The following PPP4R3B variants were observed in gnomAD, a reference collection of about 807,000 sequenced individuals.
PPP4R3B encodes protein phosphatase 4 regulatory subunit 3B.
A neutral mutation model predicts 95.4 loss-of-function variants in PPP4R3B; 52 were observed. The observed-to-expected ratio is 0.54, with a 90% CI of 0.44 to 0.69. PPP4R3B has a LOEUF of 0.69. PPP4R3B is among the 30% of genes least tolerant of loss of function. PPP4R3B has a pLI of 0.00. For missense variants in PPP4R3B, 1,003 were observed against 1,005.9 expected, an observed-to-expected ratio of 1.00 and a Z score of 0.04; for synonymous variants, 407 against 343.9, an observed-to-expected ratio of 1.18 and a Z score of -2.03.
chr2:55,595,110 C>T lies in PPP4R3B; in HGVS notation c.921+3306G>A, dbSNP rs561412491. 3.6e-4 allele frequency among the ~76,000 whole-genome samples: 55 copies of T among 151,680 alleles called. 1 individual carries two copies. The highest frequency in any genetic ancestry group is 6.6e-4 in the Admixed American group (10 of 15,238). ...CACAATCTCAGCTCACTGCAACCTC[C>T]GCCTCTCGGTTCAAGCAATTCTCCC... On this transcript the variant is annotated intron_variant, in intron 4 of 16. Coordinates refer to ENST00000616407, the MANE Select transcript of PPP4R3B (RefSeq NM_001122964.3).
rs199966006 is a variant in PPP4R3B at position 55,558,977 on chromosome 2, A to G, written c.2261-9T>C. 1 of 1,599,828 alleles carries G rather than the reference A, an allele frequency of 6.3e-7. No homozygotes were observed. Reference sequence around the variant, plus strand: ...GTCTTCACTTTCTTTTGCTAAAGCAAAAGTAAAATTTTGAACGTATATCAA... The same window carrying G: ...GTCTTCACTTTCTTTTGCTAAAGCAGAAGTAAAATTTTGAACGTATATCAA... On this transcript the variant is annotated splice_polypyrimidine_tract_variant and intron_variant, in intron 15 of 16. Transcript: ENST00000616407.
At chr2:55,587,160 T>C (rs1421936757) in intron 5 of PPP4R3B, among the ~76,000 whole-genome samples, 1 of 152,252 alleles carries the variant, frequency 6.6e-6, no homozygotes, top group Admixed American at 6.5e-5. Context: ...AAAGCATGCA[T>C]GCTTTGTTTA....
In PPP4R3B at chr2:55,598,704, C is replaced by T; in HGVS notation, c.633G>A (p.Glu211=). 1.2e-6 allele frequency: 2 copies of T among 1,614,204 alleles called. No homozygotes were observed. Among genetic ancestry groups the T allele is most frequent in the South Asian group, 1.1e-5 (1 of 91,082 alleles). ...TGATACACTCATCAGAAAACATTAC[C>T]TCAAAAAGAGTTGCCTTATTTAGGA... ...ILFLNKATLF[E]VMFSDECIMD... The change falls in exon 4 of 17, where the codon GAG becomes GAA. Residue 211 remains glutamate, a synonymous_variant. Coordinates refer to ENST00000616407, the MANE Select transcript of PPP4R3B (RefSeq NM_001122964.3).
At chr2:55,584,154 A>C (rs951668636) in intron 7 of PPP4R3B, among the ~76,000 whole-genome samples, 32 of 152,200 alleles carry the variant, frequency 2.1e-4, no homozygotes, top group Non-Finnish European at 3.8e-4. Context: ...CTCAAAAAAA[A>C]CAAAAAACAA....
chr2:55,567,805 T>C (rs896345429), intron 13 of PPP4R3B, among the ~76,000 whole-genome samples: 1 of 152,148 alleles, frequency 6.6e-6, no homozygotes, highest in Non-Finnish European at 1.5e-5. Context: ...ATCACGTGAA[T>C]AAGGCATGAT....
chr2:55,588,827 G>A, intron 5 of PPP4R3B, 52 bp downstream of exon 5: 1 of 1,215,336 alleles, frequency 8.2e-7, no homozygotes, highest in Non-Finnish European at 1.2e-6. Context: ...ATTAAAAGCT[G>A]TGCATGCCAA....
At position 55,578,317 on chromosome 2, in the gene PPP4R3B, A is replaced by G. The variant is rs1054471891; in HGVS notation, c.1494T>C (p.Tyr498=). The G allele has an allele frequency of 3.4e-6, 5 of 1,457,138 alleles. No individual in the cohort carries two copies. Among genetic ancestry groups the G allele is most frequent in the Non-Finnish European group, 4.5e-6 (5 of 1,104,326 alleles). 90.3% of individuals were successfully genotyped at this position (1,457,138 alleles called of 1,614,324 possible). Residue 498 remains tyrosine (Y), a synonymous_variant, in exon 10 of 17, where the codon TAT becomes TAC. Transcript: ENST00000616407. ...AAGGGGTACATATGAAACTCCAACT[A>G]TATCTGTAATGTTTTAAAAAAAAAT... ...EKDFFLKHYR[Y]SWSFICTPSH... is the part of the protein sequence containing the mutation.
chr2:55,596,276 A>C (rs1309768039), intron 4 of PPP4R3B, among the ~76,000 whole-genome samples: 6 of 152,166 alleles, frequency 3.9e-5, no homozygotes, highest in Admixed American at 6.5e-5. Context: ...AAATATAAAA[A>C]CTGTTCTTGG....
At chr2:55,583,914 T>G (rs957773481) in intron 7 of PPP4R3B, among the ~76,000 whole-genome samples, 1 of 152,198 alleles carries the variant, frequency 6.6e-6, no homozygotes, top group African/African-American at 2.4e-5. Flanking sequence ...AAAACTTTCC[T>G]TAACAAGTGG....
intron 16 of PPP4R3B, among the ~76,000 whole-genome samples, chr2:55,550,333 G>C (rs1685111150): frequency 1.3e-5 from 2 of 152,166 alleles, no homozygotes; most frequent in Admixed American, 6.6e-5. Flanking sequence ...AGCTGGAAAG[G>C]ACATTGGAGA....
At chr2:55,564,266 G>A in intron 15 of PPP4R3B, 47 bp downstream of exon 15, 5 of 1,451,064 alleles carry the variant, frequency 3.4e-6, no homozygotes, top group Non-Finnish European at 4.6e-6. Flanking sequence ...AATAATTTCT[G>A]CACTAAATAA....
chr2:55,581,507 T>C (rs1689436548), intron 8 of PPP4R3B, 60 bp downstream of exon 8: 1 of 1,520,984 alleles, frequency 6.6e-7, no homozygotes, highest in Non-Finnish European at 8.9e-7. Flanking sequence ...CAAAATCTTA[T>C]TACAAAGCCA....
intron 6 of PPP4R3B, among the ~76,000 whole-genome samples, chr2:55,585,767 C>T (rs978959535): frequency 2.6e-5 from 4 of 152,180 alleles, no homozygotes; most frequent in African/African-American, 9.7e-5. Context: ...TCTGAAAACA[C>T]TCCCCAACCC....
At chr2:55,599,390 A>T (rs1236564688) in intron 3 of PPP4R3B, among the ~76,000 whole-genome samples, 3 of 152,248 alleles carry the variant, frequency 2.0e-5, no homozygotes, top group Non-Finnish European at 2.9e-5. Context: ...GTGAGCTGAG[A>T]TCGCACCACT....
chr2:55,567,508 T>C (rs1377574223), intron 13 of PPP4R3B, among the ~76,000 whole-genome samples: 2 of 152,134 alleles, frequency 1.3e-5, no homozygotes, highest in Non-Finnish European at 2.9e-5. Flanking sequence ...CCCCACCTCC[T>C]GGATGCAAGT....
chr2:55,580,893 C>T (rs1689357163), intron 8 of PPP4R3B, among the ~76,000 whole-genome samples: 1 of 152,098 alleles, frequency 6.6e-6, no homozygotes, highest in African/African-American at 2.4e-5. Flanking sequence ...TAATTAAGAT[C>T]ATTCAGTATA....
chr2:55,583,293 AAC>A (rs1053940138), intron 7 of PPP4R3B, among the ~76,000 whole-genome samples: 3 of 152,128 alleles, frequency 2.0e-5, no homozygotes, highest in Non-Finnish European at 2.9e-5. Flanking sequence ...ATTTTGAGGC[AAC>A]ACAGTTTTAA....
At chr2:55,579,458 A>G (rs1689142181) in intron 9 of PPP4R3B, among the ~76,000 whole-genome samples, 1 of 152,034 alleles carries the variant, frequency 6.6e-6, no homozygotes, top group Non-Finnish European at 1.5e-5. Context: ...CGTAGCAACA[A>G]ACTATAGAAA....
At chr2:55,614,265 C>T (rs776967141) in intron 2 of PPP4R3B, 3 of 152,160 alleles carry the variant, frequency 2.0e-5, no homozygotes, top group East Asian at 1.9e-4. Context: ...GGCACTGACG[C>T]TGTAAATGTA....
Sources: allele counts gnomAD v4.1 joint callset (sites outside exome capture counted in the v4.1 genomes callset), GRCh38; gene constraint gnomAD v4.1.1; transcripts MANE v1.5; gene names NCBI Gene and HGNC (gene_info 2026-07-23, HGNC 2026-07-21).